Variants in DYNC1H1 observed in about 807,000 individuals in gnomAD.
DYNC1H1 encodes dynein cytoplasmic 1 heavy chain 1, also known as cytoplasmic dynein 1 heavy chain 1.
DYNC1H1 carries 51 observed loss-of-function variants against 527.1 expected under a neutral mutation model. That is an observed-to-expected ratio of 0.10 (90% CI 0.08 to 0.12). The LOEUF is 0.12. Ranked by LOEUF, DYNC1H1 falls within the 10% of genes least tolerant of loss-of-function variation. DYNC1H1 has a pLI of 1.00. For synonymous variants in DYNC1H1, 2,189 were observed against 2,278.8 expected, an observed-to-expected ratio of 0.96 and a Z score of 1.12; for missense variants, 2,771 against 5,971.8, an observed-to-expected ratio of 0.46 and a Z score of 17.66.
intron 51 of DYNC1H1, among the ~76,000 whole-genome samples, chr14:102,030,882 T>G (rs748835871): frequency 6.6e-6 from 1 of 152,080 alleles, no homozygotes; most frequent in African/African-American, 2.4e-5. Flanking sequence ...GGAGGATCAT[T>G]TGAGGCAGGA....
chr14:102,006,956 T>C, intron 27 of DYNC1H1, 52 bp from the exon 28 acceptor site: 5 of 1,578,152 alleles, frequency 3.2e-6, no homozygotes, highest in Middle Eastern at 3.3e-4. Flanking sequence ...GCTAAAGATA[T>C]GTTTTCAGTT....
intron 23 of DYNC1H1, among the ~76,000 whole-genome samples, chr14:102,003,235 C>T (rs913596118): frequency 6.6e-6 from 1 of 151,628 alleles, no homozygotes; most frequent in Non-Finnish European, 1.5e-5. Flanking sequence ...GCTTGCATTA[C>T]ATCTCTTCAG....
At position 102,049,570 on chromosome 14, in the gene DYNC1H1, C is replaced by CAAGGAGCTAAAGGTG; in HGVS notation, c.13508_13515+7dup. 1 of 1,613,992 alleles carries CAAGGAGCTAAAGGTG rather than the reference C, an allele frequency of 6.2e-7. No homozygotes were observed. The highest frequency in any genetic ancestry group is 2.2e-5 in the East Asian group (1 of 44,846). On this transcript the variant is annotated inframe_insertion, in exon 75 of 78. Coordinates refer to ENST00000360184, the MANE Select transcript of DYNC1H1 (RefSeq NM_001376.5). The surrounding 1 kb of genome is among the most constrained non-coding windows in gnomAD (Gnocchi z 5.5). ...CACTGGCAGCTGCATCTGGTGGCGC[C>CAAGGAGCTAAAGGTG]AAGGAGCTAAAGGTGAAGGCGCTCC... is the stretch of plus-strand genomic sequence containing the variant.
At chr14:102,026,523 A>G in intron 43 of DYNC1H1, 51 bp from the exon 44 acceptor site, 1 of 1,609,574 alleles carries the variant, frequency 6.2e-7, no homozygotes, top group Non-Finnish European at 8.5e-7. Flanking sequence ...CTTTGGTCTA[A>G]TAACTAACAT....
intron 52 of DYNC1H1, 125 bp from the exon 53 acceptor site, chr14:102,032,940 C>G (rs756432530): frequency 2.1e-6 from 2 of 959,236 alleles, no homozygotes; most frequent in Non-Finnish European, 3.4e-6. Context: ...CTAGCTCATC[C>G]CCAGTGGTCA....
chr14:101,998,879 C>CTTTTTTTTTTTTTTTTTTTTTTTG (rs888317854), intron 16 of DYNC1H1, among the ~76,000 whole-genome samples: 1 of 115,220 alleles, frequency 8.7e-6, no homozygotes, highest in African/African-American at 3.8e-5. Context: ...AAAACTTTTT[C>CTTTTTTTTTTTTTTTTTTTTTTTG]TTTTTTTTTT....
chr14:102,030,575 A>G, intron 51 of DYNC1H1: 1 of 387,370 alleles, frequency 2.6e-6, no homozygotes, highest in Non-Finnish European at 4.8e-6. Flanking sequence ...TCTGTTGATA[A>G]TTACGTAAGT....
chr14:102,050,234 G>A (rs2048789030), intron 77 of DYNC1H1, 36 bp downstream of exon 77: 1 of 1,613,674 alleles, frequency 6.2e-7, no homozygotes, highest in Non-Finnish European at 8.5e-7. Context: ...CATTCTGCAG[G>A]GACCCCTGCG....
chr14:101,988,422 A>G (rs547691188), intron 9 of DYNC1H1, among the ~76,000 whole-genome samples: 1 of 152,320 alleles, frequency 6.6e-6, no homozygotes, highest in East Asian at 1.9e-4. Flanking sequence ...GACTTCAGAG[A>G]GCACACCAGT....
In DYNC1H1 at chr14:102,039,867, T is replaced by C. The variant is rs2048624884; in HGVS notation, c.11690+135T>C. The C allele has an allele frequency of 9.1e-6, 11 of 1,202,754 alleles. No individual in the cohort carries two copies. Among genetic ancestry groups the C allele is most frequent in the Non-Finnish European group, 1.3e-5 (11 of 852,472 alleles). 74.5% of individuals were successfully genotyped at this position (1,202,754 alleles called of 1,614,324 possible). The stretch of plus-strand genomic sequence containing the variant: ...TTATTTTATTTTTTGAGACGGAGTC[T>C]CCCTTTGTTGCCTAGGCTGGAGTGC... On this transcript the variant is annotated intron_variant, in intron 62 of 77. Transcript: ENST00000360184. This position sits in a 1 kb window ranked among gnomAD's most constrained non-coding sequence, Gnocchi z 7.0.
rs1793476864 is a variant in DYNC1H1, at chr14:102,039,352, G to A, written c.11461-60G>A. ...CCCTGCACAGTAGCTCCTTGGCCAC[G>A]CAGAAGTTCAGCGGGGTGCCGAGGG... On this transcript the variant is annotated intron_variant, in intron 60 of 77. Transcript: ENST00000360184. The surrounding 1 kb of genome is among the most constrained non-coding windows in gnomAD (Gnocchi z 7.0). 9.3e-6 allele frequency: 15 copies of A among 1,610,698 alleles called. No individual in the cohort carries two copies. The highest frequency in any genetic ancestry group is 2.2e-5 in the East Asian group (1 of 44,880).
intron 73 of DYNC1H1, 106 bp downstream of exon 73, chr14:102,048,134 C>A (rs145712980): frequency 9.4e-6 from 13 of 1,380,844 alleles, no homozygotes; most frequent in Non-Finnish European, 1.1e-5. Context: ...CCGGACGGAA[C>A]GTACTCACAC....
intron 28 of DYNC1H1, among the ~76,000 whole-genome samples, chr14:102,007,790 G>A (rs570157023): frequency 6.6e-6 from 1 of 152,350 alleles, no homozygotes; most frequent in South Asian, 2.1e-4. Flanking sequence ...AGCACAGGCT[G>A]TGTGGCTTAA....
rs758088261 is a variant in DYNC1H1, at chr14:102,039,627, T to C, written c.11596-11T>C. 5 of 1,614,122 alleles carry C rather than the reference T, an allele frequency of 3.1e-6. No individual in the cohort carries two copies. In the South Asian group the frequency reaches 5.5e-5, roughly 18 times the overall value. On this transcript the variant is annotated splice_polypyrimidine_tract_variant and intron_variant, in intron 61 of 77. Transcript: ENST00000360184. The surrounding 1 kb of genome is among the most constrained non-coding windows in gnomAD (Gnocchi z 7.0). The stretch of plus-strand genomic sequence containing the variant: ...CTTATGGAACAACATCGTCTCCTGC[T>C]CTTGTCCCAGGTGGCGTTTAACCGA...
rs894594185 is a variant in DYNC1H1, at chr14:102,038,306, G to A, written c.10909-154G>A. On this transcript the variant is annotated intron_variant, in intron 57 of 77. Transcript: ENST00000360184. This position sits in a 1 kb window ranked among gnomAD's most constrained non-coding sequence, Gnocchi z 7.2. The stretch of plus-strand genomic sequence containing the variant: ...GTTTTTAATTTTAGTTCATTTAAAT[G>A]TAAGTAGCCACACATAGCTAGTGGC... 3.3e-5 allele frequency: 42 copies of A among 1,261,606 alleles called. No homozygotes were observed. Among genetic ancestry groups the A allele is most frequent in the Non-Finnish European group, 4.5e-5 (40 of 897,866 alleles). The allele number at this position is 1,261,606 out of a possible 1,614,324, so 78.2% of individuals were successfully genotyped here.
Position 102,001,399 on chromosome 14 carries a change from T to TGTTA in DYNC1H1, c.4395+46_4395+49dup. On this transcript the variant is annotated intron_variant, in intron 20 of 77. Coordinates refer to ENST00000360184, the MANE Select transcript of DYNC1H1 (RefSeq NM_001376.5). The surrounding 1 kb of genome is among the most constrained non-coding windows in gnomAD (Gnocchi z 5.0). Reference sequence around the variant, plus strand: ...GGCTGCTTTACGTTGTGTTTCGGGCTGTTACATAGATCTGAGCTATGTAAA... The same window carrying TGTTA: ...GGCTGCTTTACGTTGTGTTTCGGGCTGTTAGTTACATAGATCTGAGCTATGTAAA... 2 of 1,613,730 alleles carry TGTTA rather than the reference T, an allele frequency of 1.2e-6. No homozygotes were observed. Among genetic ancestry groups the TGTTA allele is most frequent in the Non-Finnish European group, 1.7e-6 (2 of 1,179,686 alleles).
chr14:102,014,603 G>A (rs570081342), intron 34 of DYNC1H1, among the ~76,000 whole-genome samples: 3 of 151,476 alleles, frequency 2.0e-5, no homozygotes, highest in Non-Finnish European at 4.4e-5. Context: ...AGGGATCCAC[G>A]CCCGGTGCGC....
intron 29 of DYNC1H1, 193 bp from the exon 30 acceptor site, chr14:102,009,650 A>G (rs1035832740): frequency 3.9e-6 from 3 of 764,228 alleles, no homozygotes; most frequent in Admixed American, 2.7e-5. Context: ...GTACATGGGA[A>G]TGGGTCCACC....
At chr14:101,982,917 A>G in intron 5 of DYNC1H1, 102 bp from the exon 6 acceptor site, 3 of 1,374,634 alleles carry the variant, frequency 2.2e-6, no homozygotes, top group African/African-American at 1.4e-5. Context: ...GTCTCGCTAG[A>G]TATTTTGCAA....
Sources: gnomAD v4.1 joint callset for allele counts (sites outside exome capture counted in the v4.1 genomes callset) on GRCh38, gnomAD v4.1.1 for gene constraint, Gnocchi (gnomAD v3.1) non-coding constraint, MANE v1.5 for transcripts, NCBI Gene and HGNC (gene_info 2026-07-23, HGNC 2026-07-21) for gene names.